Variants in KLC1 observed in about 807,000 individuals in gnomAD.
KLC1 encodes the protein kinesin light chain 1, also known as kinesin 2 60/70kDa.
Under a neutral mutation model 84.2 loss-of-function variants are expected in KLC1, and 30 were observed. The ratio of observed to expected loss-of-function variants is 0.36; its 90% CI spans 0.27 to 0.48. The LOEUF (loss-of-function observed/expected upper bound fraction) is 0.48, where lower values mean the gene tolerates loss of function less well. KLC1 is among the 20% of genes least tolerant of loss of function. The pLI, the probability that KLC1 is intolerant of heterozygous loss-of-function variation, is 0.99. For missense variants in KLC1, 499 were observed against 805.4 expected (o/e 0.62, Z 4.60); for synonymous variants, 289 against 293.3 (o/e 0.99, Z 0.15).
intron 5 of KLC1, among the ~76,000 whole-genome samples, chr14:103,668,886 T>G (rs1284309230): frequency 6.6e-6 from 1 of 151,996 alleles, no homozygotes; most frequent in Non-Finnish European, 1.5e-5. Flanking sequence ...CACGCCATTC[T>G]CCTGCCTCAG....
chr14:103,700,771 C>T, intron 16 of KLC1, 44 bp downstream of exon 16: 1 of 1,465,822 alleles, frequency 6.8e-7, no homozygotes, highest in Non-Finnish European at 9.3e-7. Flanking sequence ...GCAGCTGGGC[C>T]AGGGAGGGAC....
intron 1 of KLC1, among the ~76,000 whole-genome samples, chr14:103,629,893 C>T (rs2076542257): frequency 1.3e-5 from 2 of 152,106 alleles, no homozygotes; most frequent in Admixed American, 1.3e-4. Context: ...CCCGGGAACC[C>T]GCGACAGGGG....
At chr14:103,673,212 G>T (rs747584586) in intron 8 of KLC1, 25 bp downstream of exon 8, 1 of 1,601,252 alleles carries the variant, frequency 6.2e-7, no homozygotes, top group Non-Finnish European at 8.5e-7. Flanking sequence ...CAGCACTAGG[G>T]AGGGGGCCAG....
At chr14:103,650,169 G>T (rs573330516) in intron 1 of KLC1, among the ~76,000 whole-genome samples, 1 of 151,946 alleles carries the variant, frequency 6.6e-6, no homozygotes. Flanking sequence ...AATAACCTGG[G>T]GCCAGATAGC....
At chr14:103,698,414 C>T (rs558573491) in intron 15 of KLC1, 9 of 310,940 alleles carry the variant, frequency 2.9e-5, no homozygotes, top group South Asian at 2.3e-4. Context: ...GGCCCCAGCC[C>T]AGGGGGCAGG....
At chr14:103,687,312 A>G in intron 14 of KLC1, 101 bp downstream of exon 14, 2 of 1,198,278 alleles carry the variant, frequency 1.7e-6, no homozygotes, top group Non-Finnish European at 2.2e-6. Context: ...GAGGAAAGAC[A>G]CTCCAGTTGG....
intron 1 of KLC1, among the ~76,000 whole-genome samples, chr14:103,630,058 C>A (rs991652667): frequency 1.3e-5 from 2 of 152,262 alleles, no homozygotes; most frequent in African/African-American, 2.4e-5. Flanking sequence ...GGGGCCGGGT[C>A]CCTCCCGAGA....
At chr14:103,672,843 A>G (rs2080532062) in intron 7 of KLC1, among the ~76,000 whole-genome samples, 171 bp from the exon 8 acceptor site, 1 of 152,200 alleles carries the variant, frequency 6.6e-6, no homozygotes, top group Non-Finnish European at 1.5e-5. Flanking sequence ...AATTTGAGAA[A>G]TTCTGGTTAT....
rs2082254710 is a variant in KLC1 at position 103,693,744 on chromosome 14, A to G, written c.1848+1319A>G. On this transcript the variant is annotated intron_variant, in intron 15 of 16. Coordinates refer to ENST00000334553, the MANE Select transcript of KLC1 (RefSeq NM_001394837.1). This position sits in a 1 kb window ranked among gnomAD's most constrained non-coding sequence, Gnocchi z 5.1. ...CTTCCTTTCCTAGATAGTGACGTCC[A>G]CCAACCTTGGAGGTGCCTTTTCAAA... 1.4e-6 allele frequency: 2 copies of G among 1,449,874 alleles called. No homozygotes were observed. Among genetic ancestry groups the G allele is most frequent in the Admixed American group, 5.3e-5 (2 of 37,928 alleles). The allele number at this position is 1,449,874 out of a possible 1,614,324, so 89.8% of individuals were successfully genotyped here. A position where few individuals can be genotyped will look rare whatever the true frequency, so the allele number is the denominator to read the frequency against.
intron 2 of KLC1, 73 bp from the exon 3 acceptor site, chr14:103,657,473 A>G (rs879174901): frequency 3.7e-5 from 44 of 1,189,714 alleles, no homozygotes; most frequent in South Asian, 3.3e-4. Context: ...CCAGCCACAG[A>G]ATGTTCGCAC....
intron 13 of KLC1, among the ~76,000 whole-genome samples, chr14:103,680,980 G>A (rs2081297017): frequency 6.6e-6 from 1 of 152,188 alleles, no homozygotes; most frequent in African/African-American, 2.4e-5. Flanking sequence ...AGGAGAACTC[G>A]TGTCCCCTGC....
chr14:103,688,711 C>T (rs917740890), intron 14 of KLC1, among the ~76,000 whole-genome samples: 1 of 152,148 alleles, frequency 6.6e-6, no homozygotes, highest in East Asian at 1.9e-4. Context: ...AGTGACGTGG[C>T]TTTTGTAAGG....
At chr14:103,699,170 CCT>C (rs1247876469) in intron 15 of KLC1, 1 of 1,565,594 alleles carries the variant, frequency 6.4e-7, no homozygotes, top group Non-Finnish European at 8.6e-7. Context: ...TCCTCCATGG[CCT>C]CTGTCACCTG....
At chr14:103,665,017 C>T (rs1207866241) in intron 5 of KLC1, among the ~76,000 whole-genome samples, 1 of 152,006 alleles carries the variant, frequency 6.6e-6, no homozygotes, top group Non-Finnish European at 1.5e-5. Flanking sequence ...GTGTTTTTCC[C>T]TAGCATTATA....
At chr14:103,643,638 C>A (rs1017790233) in intron 1 of KLC1, among the ~76,000 whole-genome samples, 1 of 152,164 alleles carries the variant, frequency 6.6e-6, no homozygotes, top group Non-Finnish European at 1.5e-5. Context: ...TTAAGAAATA[C>A]ATTGGTTGAC....
In KLC1 at chr14:103,662,722, G is replaced by A; in HGVS notation, c.592G>A (p.Ala198Thr). 1 of 1,602,596 alleles carries A rather than the reference G, an allele frequency of 6.2e-7. No individual in the cohort carries two copies. The highest frequency in any genetic ancestry group is 1.7e-4 in the Middle Eastern group (1 of 5,946). Residue 198 changes from alanine to threonine, a missense_variant, in exon 5 of 17, where the codon GCA becomes ACA. By Grantham distance (58) the Ala-to-Thr change is moderately conservative. Coordinates refer to ENST00000334553, the MANE Select transcript of KLC1 (RefSeq NM_001394837.1). ...GQGIQQQHSS[A>T]AAAAQQGGYE... Reference sequence around the variant, plus strand: ...TGCAGTCCAGCAGCAGCACAGCAGTGCAGCCGCGGCTGCCCAGCAGGGCGG... The same window carrying A: ...TGCAGTCCAGCAGCAGCACAGCAGTACAGCCGCGGCTGCCCAGCAGGGCGG...
intron 5 of KLC1, among the ~76,000 whole-genome samples, chr14:103,663,247 T>G (rs1427696642): frequency 6.6e-6 from 1 of 151,888 alleles, no homozygotes; most frequent in East Asian, 1.9e-4. Flanking sequence ...GCCTGGCTAA[T>G]TTTTTTGTAT....
Position 103,700,452 on chromosome 14 carries a change from C to G in KLC1, c.1849-203C>G, listed in dbSNP as rs1369161758. On this transcript the variant is annotated intron_variant, in intron 15 of 16. Coordinates refer to ENST00000334553, the MANE Select transcript of KLC1 (RefSeq NM_001394837.1). ...ATGGTGATGGGGGAGGGTGACACAGCTGCTCCTGGCACCAAGCAGTGTAGT... is the reference window on the plus strand; with the variant it reads ...ATGGTGATGGGGGAGGGTGACACAGGTGCTCCTGGCACCAAGCAGTGTAGT... 8.2e-6 allele frequency: 4 copies of G among 489,290 alleles called. No homozygotes were observed. The South Asian group carries it at 1.3e-4, about 16-fold the overall frequency. 30.3% of individuals were successfully genotyped at this position (489,290 alleles called of 1,614,324 possible).
In KLC1 at chr14:103,694,162, G is replaced by A. The variant is rs771990603; in HGVS notation, c.1848+1737G>A. On this transcript the variant is annotated intron_variant, in intron 15 of 16. Coordinates refer to ENST00000334553, the MANE Select transcript of KLC1 (RefSeq NM_001394837.1). This position sits in a 1 kb window ranked among gnomAD's most constrained non-coding sequence, Gnocchi z 4.5. The stretch of plus-strand genomic sequence containing the variant: ...GGGTCTCTCTTTCCAAGGTCCCCAT[G>A]CCTGTGGCCCTGGGGCCCCATGCCC... 6.7e-4 allele frequency: 657 copies of A among 985,684 alleles called. No homozygotes were observed. Among genetic ancestry groups the A allele is most frequent in the Non-Finnish European group, 7.5e-4 (622 of 830,288 alleles). The allele number at this position is 985,684 out of a possible 1,614,324, so 61.1% of individuals were successfully genotyped here.
Sources: gnomAD v4.1 joint callset for allele counts (sites outside exome capture counted in the v4.1 genomes callset) on GRCh38, gnomAD v4.1.1 for gene constraint, Gnocchi (gnomAD v3.1) non-coding constraint, MANE v1.5 for transcripts, NCBI Gene and HGNC (gene_info 2026-07-23, HGNC 2026-07-21) for gene names.